Variants in ITGA6 observed in about 807,000 individuals in gnomAD.
ITGA6 encodes integrin alpha-6.
In ITGA6, 63 loss-of-function variants were observed where a neutral mutation model predicts 133.6. That is an observed-to-expected ratio of 0.47 (90% CI 0.38 to 0.58). ITGA6 has a LOEUF of 0.58. ITGA6 is among the 20% of genes least tolerant of loss of function. The pLI is 0.00. For synonymous variants in ITGA6, 434 were observed against 482.0 expected (o/e 0.90, Z 1.30); for missense variants, 1,068 against 1,309.4 (o/e 0.82, Z 2.85).
rs140434714 is a variant in ITGA6, at chr2:172,488,932, C to T, written c.2506-553C>T. Among the ~76,000 whole-genome samples, 65 of 152,262 alleles carry T rather than the reference C, an allele frequency of 4.3e-4. 1 individual carries two copies. The highest frequency in any genetic ancestry group is 9.9e-4 in the African/African-American group (41 of 41,568). On this transcript the variant is annotated intron_variant, in intron 19 of 25. Coordinates refer to ENST00000684293, the MANE Select transcript of ITGA6 (RefSeq NM_000210.4). ...AAGTCTTTGGGTTCTGGAACAGTCT[C>T]GACACCAAGAGGGCTCTTACCTCCT... is the stretch of plus-strand genomic sequence containing the variant.
intron 24 of ITGA6, among the ~76,000 whole-genome samples, chr2:172,500,302 T>C (rs751673183): frequency 6.6e-6 from 1 of 152,010 alleles, no homozygotes; most frequent in Non-Finnish European, 1.5e-5. Context: ...ACAAAGATGC[T>C]CATGACCAGG....
At chr2:172,471,192 T>C (rs1363318969) in intron 5 of ITGA6, 87 bp downstream of exon 5, 29 of 1,530,186 alleles carry the variant, frequency 1.9e-5, no homozygotes, top group Non-Finnish European at 2.5e-5. Flanking sequence ...GCCCCTGGAC[T>C]TCTAGGCTGA....
At chr2:172,485,336 G>A (rs1330552328) in intron 13 of ITGA6, 72 bp downstream of exon 13, 1 of 1,341,880 alleles carries the variant, frequency 7.5e-7, no homozygotes, top group Non-Finnish European at 1.1e-6. Flanking sequence ...TGTCTTTGAA[G>A]GGAATAGAAC....
At chr2:172,486,982 CTGAATGG>C in intron 13 of ITGA6, 34 bp from the exon 14 acceptor site, 1 of 1,120,096 alleles carries the variant, frequency 8.9e-7, no homozygotes, top group Non-Finnish European at 1.4e-6. Context: ...TTCCTGAGTC[CTGAATGG>C]TGTAAATTGA....
At chr2:172,437,388 A>G (rs138790315) in intron 1 of ITGA6, among the ~76,000 whole-genome samples, 121 of 152,316 alleles carry the variant, frequency 7.9e-4, no homozygotes, top group Non-Finnish European at 6.2e-4. Flanking sequence ...GATTCAGGAT[A>G]TGTCTTGAAA....
chr2:172,484,977 A>G (rs745449855), intron 12 of ITGA6, 35 bp downstream of exon 12: 1 of 1,610,446 alleles, frequency 6.2e-7, no homozygotes, highest in Non-Finnish European at 8.5e-7. Flanking sequence ...TGTTTTATGA[A>G]GAGGACAGAA....
chr2:172,472,097 G>A (rs1457309416), intron 5 of ITGA6, among the ~76,000 whole-genome samples: 4 of 152,182 alleles, frequency 2.6e-5, no homozygotes, highest in African/African-American at 7.2e-5. Flanking sequence ...TGAGGCAGGC[G>A]GATTACTTGA....
intron 1 of ITGA6, among the ~76,000 whole-genome samples, chr2:172,461,786 C>G (rs1685435565): frequency 6.6e-6 from 1 of 152,132 alleles, no homozygotes; most frequent in Admixed American, 6.5e-5. Flanking sequence ...GAGGGTCCTC[C>G]TAGGTGTAGA....
chr2:172,456,511 A>G (rs1308667778), intron 1 of ITGA6, among the ~76,000 whole-genome samples: 3 of 152,336 alleles, frequency 2.0e-5, no homozygotes, highest in East Asian at 1.9e-4. Flanking sequence ...GTGAATGTTC[A>G]ATCTTTAGAC....
chr2:172,487,029 T>C lies in ITGA6; in HGVS notation c.1861T>C (p.Phe621Leu). The C allele has an allele frequency of 6.3e-7, 1 of 1,596,004 alleles. No individual in the cohort carries two copies. Among genetic ancestry groups the C allele is most frequent in the Non-Finnish European group, 8.6e-7 (1 of 1,163,614 alleles). Residue 621 changes from phenylalanine (F) to leucine (L), a missense_variant, in exon 14 of 26, where the codon TTC becomes CTC. Physicochemically the swap from Phe to Leu is conservative, Grantham distance 22. Coordinates refer to ENST00000684293, the MANE Select transcript of ITGA6 (RefSeq NM_000210.4). ...EPKTAHIDVHFLKEGCGDDNV... is the reference protein window; with the variant it reads ...EPKTAHIDVHLLKEGCGDDNV... Reference sequence around the variant, plus strand: ...AGTTTTCGTTTTCCTACAGGTTCACTTCTTAAAAGAGGGATGTGGAGACGA... The same window carrying C: ...AGTTTTCGTTTTCCTACAGGTTCACCTCTTAAAAGAGGGATGTGGAGACGA...
intron 1 of ITGA6, among the ~76,000 whole-genome samples, chr2:172,464,884 T>C (rs1295507755): frequency 6.6e-6 from 1 of 151,992 alleles, no homozygotes; most frequent in Non-Finnish European, 1.5e-5. Context: ...AAACATCAAC[T>C]TGTACACCTC....
In ITGA6 at chr2:172,480,114, A is replaced by G. The variant is rs182551674; in HGVS notation, c.1549+63A>G. ...GTCTGCCAGGTTGAAAGTTCTGCAT[A>G]AATCACAGAAAAATAAAACTGCAGT... is the stretch of plus-strand genomic sequence containing the variant. On this transcript the variant is annotated intron_variant, in intron 11 of 25. Transcript: ENST00000684293. 2.5e-4 allele frequency: 243 copies of G among 965,924 alleles called. 1 individual carries two copies. The African/African-American group carries it at 3.2e-3, about 13-fold the overall frequency. The allele number at this position is 965,924 out of a possible 1,614,324, so 59.8% of individuals were successfully genotyped here.
chr2:172,478,912 T>C (rs1686299157), intron 9 of ITGA6, among the ~76,000 whole-genome samples: 1 of 152,216 alleles, frequency 6.6e-6, no homozygotes, highest in African/African-American at 2.4e-5. Context: ...ACGCTGATCA[T>C]GAGCATCTCA....
At chr2:172,477,413 T>C (rs564472862) in intron 9 of ITGA6, among the ~76,000 whole-genome samples, 24 of 152,318 alleles carry the variant, frequency 1.6e-4, no homozygotes, top group East Asian at 1.5e-3. Context: ...GTTAATAATA[T>C]AGAATTATAG....
At chr2:172,446,337 C>T (rs560139099) in intron 1 of ITGA6, among the ~76,000 whole-genome samples, 1 of 151,896 alleles carries the variant, frequency 6.6e-6, no homozygotes, top group African/African-American at 2.4e-5. Context: ...TGCAGATGAA[C>T]TATTTGATAA....
intron 1 of ITGA6, among the ~76,000 whole-genome samples, chr2:172,445,613 C>G (rs537593347): frequency 2.5e-4 from 38 of 149,440 alleles, no homozygotes; most frequent in African/African-American, 9.1e-4. Context: ...TGCGCCACTG[C>G]TCTCCAGTCT....
chr2:172,428,108 G>A (rs1484946386), intron 1 of ITGA6, 138 bp downstream of exon 1: 2 of 746,746 alleles, frequency 2.7e-6, no homozygotes, highest in Non-Finnish European at 3.6e-6. Context: ...GGCGCACCCA[G>A]CGCCCAGCGC....
chr2:172,506,065 A>C lies in ITGA6; in HGVS notation c.*1997A>C, dbSNP rs1559163620. 6.6e-6 allele frequency: 1 copy of C among 152,616 alleles called. No homozygotes were observed. The highest frequency in any genetic ancestry group is 1.5e-5 in the Non-Finnish European group (1 of 68,022). 9.5% of individuals were successfully genotyped at this position (152,616 alleles called of 1,614,324 possible). On this transcript the variant is annotated 3_prime_UTR_variant, in exon 26 of 26. Transcript: ENST00000684293. ...TTATGGTTGTTAAAAATGTCATCTC[A>C]AGTCAAGTCACTGGTCTGTTTGCAT...
intron 1 of ITGA6, among the ~76,000 whole-genome samples, chr2:172,440,404 A>G (rs1274184595): frequency 6.6e-6 from 1 of 152,222 alleles, no homozygotes; most frequent in East Asian, 1.9e-4. Context: ...GTGGTAAAAT[A>G]TACATAACAT....
Sources: allele counts gnomAD v4.1 joint callset (sites outside exome capture counted in the v4.1 genomes callset), GRCh38; gene constraint gnomAD v4.1.1; transcripts MANE v1.5; gene names NCBI Gene and HGNC (gene_info 2026-07-23, HGNC 2026-07-21).